HMCN1: variants seen among roughly 807,000 people sequenced by gnomAD.
The protein encoded by HMCN1 is hemicentin 1.
HMCN1 carries 321 observed loss-of-function variants against 625.9 expected under a neutral mutation model. The ratio of observed to expected loss-of-function variants is 0.51; its 90% confidence interval spans 0.47 to 0.56. HMCN1 has a LOEUF of 0.56. HMCN1 is among the 20% of genes least tolerant of loss of function. The pLI is 0.00. For missense variants in HMCN1, 6,588 were observed against 6,887.3 expected (o/e 0.96, Z 1.54); for synonymous variants, 2,425 against 2,417.6 (o/e 1.00, Z -0.09).
intron 82 of HMCN1, among the ~76,000 whole-genome samples, chr1:186,127,150 G>A (rs4650694): frequency 0.41 from 62,324 of 151,892 alleles, 13,400 homozygotes; most frequent in East Asian, 0.57. Flanking sequence ...CAGCCGAGAC[G>A]GTGAAGGCTA....
At chr1:186,174,408 G>T in intron 102 of HMCN1, 106 bp from the exon 103 acceptor site, 1 of 1,328,646 alleles carries the variant, frequency 7.5e-7, no homozygotes, top group Non-Finnish European at 1.1e-6. Context: ...TCAACCACTT[G>T]GTGAGAAATG....
At chr1:185,859,819 A>G (rs1662750541) in intron 2 of HMCN1, among the ~76,000 whole-genome samples, 1 of 151,786 alleles carries the variant, frequency 6.6e-6, no homozygotes, top group Non-Finnish European at 1.5e-5. Flanking sequence ...ACATGTTGCC[A>G]TGCCTGGCTA....
chr1:186,001,707 C>T lies in HMCN1; in HGVS notation c.4314C>T (p.Gly1438=). 2 of 1,612,096 alleles carry T rather than the reference C, an allele frequency of 1.2e-6. No individual in the cohort carries two copies. Among genetic ancestry groups the T allele is most frequent in the Non-Finnish European group, 1.7e-6 (2 of 1,178,540 alleles). ...RYSCKAINIA[G]TSQKYFNIDV... ...CCTGCAAAGCAATTAATATTGCAGG[C>T]ACTTCTCAGAAGTACTTTAACATTG... Residue 1438 remains glycine, a synonymous_variant, in exon 28 of 107, where the codon GGC becomes GGT. Coordinates refer to ENST00000271588, the MANE Select transcript of HMCN1 (RefSeq NM_031935.3).
intron 105 of HMCN1, 68 bp from the exon 106 acceptor site, chr1:186,187,815 A>C (rs1653440624): frequency 1.2e-6 from 2 of 1,601,042 alleles, no homozygotes; most frequent in East Asian, 4.5e-5. Context: ...ACACATCTAC[A>C]GTGCCTGCTC....
Position 186,076,547 on chromosome 1 carries a change from G to A in HMCN1, c.8410G>A (p.Ala2804Thr), listed in dbSNP as rs1279490872. 3.1e-6 allele frequency: 5 copies of A among 1,613,752 alleles called. No homozygotes were observed. The highest frequency in any genetic ancestry group is 3.3e-5 in the Admixed American group (2 of 59,968). ...PISLYCETNA[A>T]PPPTLTWYKD... ...TTCTCTTTACTGTGAGACAAATGCT[G>A]CTCCCCCTCCTACACTGACATGGTA... is the stretch of plus-strand genomic sequence containing the variant. The change falls in exon 54 of 107, where the codon GCT becomes ACT. Residue 2804 changes from alanine to threonine, a missense_variant. Coordinates refer to ENST00000271588, the MANE Select transcript of HMCN1 (RefSeq NM_031935.3).
Position 185,993,324 on chromosome 1 carries a change from G to T in HMCN1, c.3505+15G>T, listed in dbSNP as rs1340103360. ...AAATGTCCATGGTGAGTCTTGAAAT[G>T]AGAACATATGACAACCCTGTGGACT... is the stretch of plus-strand genomic sequence containing the variant. On this transcript the variant is annotated intron_variant, in intron 23 of 106. Transcript: ENST00000271588. The T allele has an allele frequency of 1.2e-6, 2 of 1,611,858 alleles. No individual in the cohort carries two copies. The highest frequency in any genetic ancestry group is 3.3e-5 in the Admixed American group (2 of 59,938).
intron 4 of HMCN1, among the ~76,000 whole-genome samples, chr1:185,889,941 T>G (rs201507794): frequency 0.33 from 47,156 of 143,612 alleles, 10,555 homozygotes; most frequent in African/African-American, 0.63. Flanking sequence ...ATCTGGTCTT[T>G]GACACTTTTT....
At chr1:185,956,927 G>A (rs538034906) in intron 11 of HMCN1, 3 of 152,312 alleles carry the variant, frequency 2.0e-5, no homozygotes, top group South Asian at 2.1e-4. Context: ...TATATTTCAC[G>A]ATATCACATT....
intron 1 of HMCN1, among the ~76,000 whole-genome samples, chr1:185,829,107 T>C (rs1386561566): frequency 6.6e-6 from 1 of 152,070 alleles, no homozygotes; most frequent in Non-Finnish European, 1.5e-5. Flanking sequence ...TGCTGAAAAT[T>C]TAGTCATAAA....
chr1:185,904,615 A>G (rs1199648534), intron 4 of HMCN1, among the ~76,000 whole-genome samples: 1 of 151,848 alleles, frequency 6.6e-6, no homozygotes, highest in Admixed American at 6.6e-5. Flanking sequence ...ATAGAAAGTG[A>G]AAGACAAGAT....
chr1:185,976,559 A>G (rs1291161357), intron 15 of HMCN1, among the ~76,000 whole-genome samples: 1 of 152,146 alleles, frequency 6.6e-6, no homozygotes, highest in East Asian at 1.9e-4. Context: ...CCCATAGAAA[A>G]GGGGAAGTTA....
chr1:186,135,844 G>A (rs1258793194), intron 86 of HMCN1, among the ~76,000 whole-genome samples: 5 of 152,064 alleles, frequency 3.3e-5, no homozygotes, highest in African/African-American at 7.2e-5. Flanking sequence ...ATTAGTACAC[G>A]TTAGTTCCAT....
chr1:185,907,870 ATT>A (rs139180504), intron 4 of HMCN1, among the ~76,000 whole-genome samples: 10,745 of 151,874 alleles, frequency 0.071, 1,323 homozygotes, highest in African/African-American at 0.25. Flanking sequence ...TGTATTATGA[ATT>A]TCTTTTATTT....
At chr1:186,174,034 C>A (rs1652403971) in intron 102 of HMCN1, among the ~76,000 whole-genome samples, 1 of 152,178 alleles carries the variant, frequency 6.6e-6, no homozygotes, top group South Asian at 2.1e-4. Flanking sequence ...GCTTGATGGA[C>A]TTGAAACACA....
At chr1:185,982,422 C>A in intron 18 of HMCN1, 33 bp downstream of exon 18, 5 of 1,550,634 alleles carry the variant, frequency 3.2e-6, no homozygotes, top group South Asian at 1.1e-5. Context: ...CATTCACATT[C>A]TTTTGTGAGT....
At chr1:185,805,217 A>G (rs1659086460) in intron 1 of HMCN1, among the ~76,000 whole-genome samples, 1 of 152,216 alleles carries the variant, frequency 6.6e-6, no homozygotes, top group Non-Finnish European at 1.5e-5. Context: ...TAAAGACATT[A>G]AAATACTTTT....
chr1:186,108,981 AT>A (rs1009595138), intron 71 of HMCN1, among the ~76,000 whole-genome samples: 4 of 152,186 alleles, frequency 2.6e-5, no homozygotes, highest in African/African-American at 9.7e-5. Context: ...CTTTTACTGA[AT>A]TTCCCTTGTC....
chr1:186,059,474 A>T (rs962949074), intron 46 of HMCN1, among the ~76,000 whole-genome samples: 1 of 152,012 alleles, frequency 6.6e-6, no homozygotes, highest in South Asian at 2.1e-4. Flanking sequence ...GGTTTTATTT[A>T]TCTTTGTTGT....
intron 99 of HMCN1, 141 bp downstream of exon 99, chr1:186,166,444 C>T (rs1467419239): frequency 1.5e-5 from 16 of 1,078,662 alleles, no homozygotes; most frequent in Non-Finnish European, 1.6e-5. Context: ...CTCCATTGGG[C>T]TGAGAAAGTA....
Sources: allele counts gnomAD v4.1 joint callset (sites outside exome capture counted in the v4.1 genomes callset), GRCh38; gene constraint gnomAD v4.1.1; transcripts MANE v1.5; gene names NCBI Gene and HGNC (gene_info 2026-07-23, HGNC 2026-07-21).